LINGO2: variants seen among roughly 807,000 people sequenced by gnomAD.
The protein encoded by LINGO2 is leucine rich repeat and Ig domain containing 2.
Under a neutral mutation model 30.6 loss-of-function variants are expected in LINGO2, and 14 were observed. The observed-to-expected ratio is 0.46, with a 90% CI of 0.30 to 0.72. The LOEUF is 0.72. Ranked by LOEUF, LINGO2 falls within the 30% of genes least tolerant of loss-of-function variation. LINGO2 has a pLI of 0.07. For missense variants in LINGO2, 729 were observed against 751.7 expected (o/e 0.97, Z 0.35); for synonymous variants, 317 against 288.5 (o/e 1.10, Z -1.00).
chr9:28,193,564 T>C (rs1337782879), intron 4 of LINGO2, among the ~76,000 whole-genome samples: 2 of 152,116 alleles, frequency 1.3e-5, no homozygotes, highest in Admixed American at 6.5e-5. Flanking sequence ...TATAAAGCTA[T>C]TGATAGAAAG....
At chr9:28,952,489 T>C in the LINGO2 span, among the ~76,000 whole-genome samples, 1 of 152,130 alleles carries the variant, frequency 6.6e-6, no homozygotes. Context: ...CTAAAATTTC[T>C]TTCTCCATCT....
intron 2 of LINGO2, among the ~76,000 whole-genome samples, chr9:28,404,472 A>G (rs1236703706): frequency 1.3e-5 from 2 of 152,194 alleles, no homozygotes. Context: ...AAATTATATT[A>G]CTAAAAAGAA....
At chr9:28,384,782 G>A (rs1373067677) in intron 2 of LINGO2, among the ~76,000 whole-genome samples, 1 of 151,638 alleles carries the variant, frequency 6.6e-6, no homozygotes, top group Non-Finnish European at 1.5e-5. Flanking sequence ...GATCCAAACT[G>A]CTCCCTGTAT....
the LINGO2 span, among the ~76,000 whole-genome samples, chr9:29,186,394 T>C: frequency 1.3e-5 from 2 of 152,080 alleles, no homozygotes; most frequent in Non-Finnish European, 2.9e-5. Context: ...CATGGTGAAA[T>C]AGGAATGGTT....
At chr9:28,737,848 A>G in the LINGO2 span, among the ~76,000 whole-genome samples, 1 of 152,280 alleles carries the variant, frequency 6.6e-6, no homozygotes, top group East Asian at 1.9e-4. Flanking sequence ...ACACACATGC[A>G]CTTTAAATTT....
At chr9:28,616,387 CTA>C (rs201426776) in intron 1 of LINGO2, among the ~76,000 whole-genome samples, 1,575 of 152,216 alleles carry the variant, frequency 0.01, 25 homozygotes, top group African/African-American at 0.032. Context: ...TGGCTTTGAG[CTA>C]TATAGCTGAC....
In LINGO2 at chr9:28,349,364, G is replaced by A. The variant is rs1449765259; in HGVS notation, c.-246+23472C>T. Among the ~76,000 whole-genome samples, 764 of 140,726 alleles carry A rather than the reference G, an allele frequency of 5.4e-3. 3 individuals are homozygous for A. The highest frequency in any genetic ancestry group is 0.02 in the African/African-American group (730 of 37,200). 92.3% of individuals were successfully genotyped at this position (140,726 alleles called of 152,430 possible). On this transcript the variant is annotated intron_variant, in intron 3 of 5. Transcript: ENST00000379992. ...CTACGTGAAGAATGCAGAAGCCTCA[G>A]GAGCCGATGCGATCAACTGGAAGAA...
At chr9:28,572,716 A>G (rs753992028) in intron 1 of LINGO2, among the ~76,000 whole-genome samples, 1 of 152,164 alleles carries the variant, frequency 6.6e-6, no homozygotes, top group Non-Finnish European at 1.5e-5. Context: ...GGGGTCTGAC[A>G]GTGACTTTAG....
At chr9:29,179,115 C>T in the LINGO2 span, among the ~76,000 whole-genome samples, 1 of 144,838 alleles carries the variant, frequency 6.9e-6, no homozygotes, top group African/African-American at 2.6e-5. Context: ...CTGGTCTTTA[C>T]TTACTAGAAA....
At chr9:28,481,627 T>G (rs968864753) in intron 1 of LINGO2, among the ~76,000 whole-genome samples, 1 of 151,994 alleles carries the variant, frequency 6.6e-6, no homozygotes, top group Non-Finnish European at 1.5e-5. Context: ...TATTTATTTA[T>G]TTTTTATTAT....
At chr9:28,556,439 G>A (rs1029451520) in intron 1 of LINGO2, among the ~76,000 whole-genome samples, 2 of 152,142 alleles carry the variant, frequency 1.3e-5, no homozygotes, top group African/African-American at 4.8e-5. Context: ...CAACTTACAA[G>A]GGATGTGAAG....
At chr9:28,362,336 ATT>A in intron 3 of LINGO2, among the ~76,000 whole-genome samples, 1 of 152,322 alleles carries the variant, frequency 6.6e-6, no homozygotes, top group Non-Finnish European at 1.5e-5. Context: ...CTTCAAAAGG[ATT>A]TGAGAGAACC....
the LINGO2 span, among the ~76,000 whole-genome samples, chr9:28,932,135 G>GATAAAATAAAATAAAATAAA: frequency 7.2e-6 from 1 of 138,656 alleles, no homozygotes; most frequent in East Asian, 2.1e-4. Flanking sequence ...AATAAAATAA[G>GATAAAATAAAATAAAATAAA]ATAAAATAAA....
chr9:28,417,416 G>A (rs758190026), intron 2 of LINGO2, among the ~76,000 whole-genome samples: 45 of 152,168 alleles, frequency 3.0e-4, no homozygotes, highest in Non-Finnish European at 4.7e-4. Context: ...AATTATGATA[G>A]TAATTATATT....
the LINGO2 span, among the ~76,000 whole-genome samples, chr9:29,044,111 C>G: frequency 3.1e-4 from 47 of 152,014 alleles, no homozygotes; most frequent in African/African-American, 1.1e-3. Context: ...GCCTCAGTTT[C>G]CCCATGAGTA....
chr9:29,181,300 T>C, the LINGO2 span, among the ~76,000 whole-genome samples: 1 of 152,212 alleles, frequency 6.6e-6, no homozygotes, highest in East Asian at 1.9e-4. Context: ...GGGTTCTTTG[T>C]AGAAAAGAGT....
At chr9:28,445,034 C>G (rs1352955141) in intron 2 of LINGO2, among the ~76,000 whole-genome samples, 2 of 152,200 alleles carry the variant, frequency 1.3e-5, no homozygotes, top group African/African-American at 4.8e-5. Flanking sequence ...CCCAAGAACA[C>G]TACCTCACTT....
rs113579920 is a variant in LINGO2 at position 28,572,827 on chromosome 9, G to T, written c.-364-96802C>A. 8.4e-3 allele frequency among the ~76,000 whole-genome samples: 1,275 copies of T among 152,146 alleles called. 20 individuals are homozygous for T. The highest frequency in any genetic ancestry group is 0.03 in the African/African-American group (1,228 of 41,528). On this transcript the variant is annotated intron_variant, in intron 1 of 5. Transcript: ENST00000379992. Reference sequence around the variant, plus strand: ...ATAACCTCTGCAAGCTAAATATATTGCCTTTATTCAAGGAACACTAGAAAT... The same window carrying T: ...ATAACCTCTGCAAGCTAAATATATTTCCTTTATTCAAGGAACACTAGAAAT...
Position 28,052,141 on chromosome 9 carries a change from A to C in LINGO2, c.-86-39736T>G, listed in dbSNP as rs189588084. ...AGATTTAAATTTTAATTCGTTAAAGAAGCACATAGTTCCTCTGTAGTGAAT... is the reference window on the plus strand; with the variant it reads ...AGATTTAAATTTTAATTCGTTAAAGCAGCACATAGTTCCTCTGTAGTGAAT... On this transcript the variant is annotated intron_variant, in intron 4 of 5. Transcript: ENST00000379992. Among the ~76,000 whole-genome samples, 445 of 152,192 alleles carry C rather than the reference A, an allele frequency of 2.9e-3. 2 individuals carry two copies. The highest frequency in any genetic ancestry group is 0.01 in the African/African-American group (426 of 41,548).
Sources: allele counts gnomAD v4.1 joint callset (sites outside exome capture counted in the v4.1 genomes callset), GRCh38; gene constraint gnomAD v4.1.1; transcripts MANE v1.5; gene names NCBI Gene and HGNC (gene_info 2026-07-23, HGNC 2026-07-21).